THSD7B: variants seen among roughly 807,000 people sequenced by gnomAD.
The protein encoded by THSD7B is thrombospondin type-1 domain-containing protein 7B.
A neutral mutation model predicts 213.6 loss-of-function variants in THSD7B; 138 were observed. That is an observed-to-expected ratio of 0.65 (90% CI 0.56 to 0.74). The LOEUF (loss-of-function observed/expected upper bound fraction) is 0.74, where lower values mean the gene tolerates loss of function less well. THSD7B is among the 30% of genes least tolerant of loss of function. The pLI, the probability that THSD7B is intolerant of heterozygous loss-of-function variation, is 0.00. For missense variants in THSD7B, 1,931 were observed against 1,991.5 expected (o/e 0.97, Z 0.58); for synonymous variants, 742 against 687.0 (o/e 1.08, Z -1.25).
chr2:136,959,483 G>A (rs914501561), intron 2 of THSD7B, among the ~76,000 whole-genome samples: 3 of 152,160 alleles, frequency 2.0e-5, no homozygotes, highest in African/African-American at 7.2e-5. Context: ...ACAGGTTTTG[G>A]TGAAACTTAC....
Position 137,527,094 on chromosome 2 carries a change from G to T in THSD7B, c.3139-36127G>T, listed in dbSNP as rs558066898. ...ATTGATTAAAGGATTAAAATAACCA[G>T]TGTACTTTAGCTGAAGAATGACTGT... On this transcript the variant is annotated intron_variant, in intron 15 of 27. Coordinates refer to ENST00000409968, the MANE Select transcript of THSD7B (RefSeq NM_001316349.2). Among the ~76,000 whole-genome samples, 4 of 152,276 alleles carry T rather than the reference G, an allele frequency of 2.6e-5. No homozygotes were observed. In the East Asian group the frequency reaches 7.7e-4, roughly 29 times the overall value.
chr2:137,457,407 G>T (rs1573636873), intron 15 of THSD7B, among the ~76,000 whole-genome samples: 1 of 152,178 alleles, frequency 6.6e-6, no homozygotes, highest in South Asian at 2.1e-4. Context: ...CTGCCCTTGG[G>T]CAGGGTTGTC....
chr2:137,428,469 T>A (rs1194229546), intron 14 of THSD7B, among the ~76,000 whole-genome samples: 2 of 152,124 alleles, frequency 1.3e-5, no homozygotes, highest in African/African-American at 4.8e-5. Flanking sequence ...TAAACACACA[T>A]CCACATAAAA....
chr2:137,334,799 G>A (rs1361216400), intron 12 of THSD7B, among the ~76,000 whole-genome samples: 5 of 152,136 alleles, frequency 3.3e-5, no homozygotes, highest in African/African-American at 1.2e-4. Flanking sequence ...ATCTCACCTT[G>A]GATTGTAATA....
At chr2:137,183,237 C>T (rs911171148) in intron 7 of THSD7B, among the ~76,000 whole-genome samples, 9 of 152,102 alleles carry the variant, frequency 5.9e-5, no homozygotes, top group South Asian at 2.1e-4. Context: ...CAGTACAGTG[C>T]GTTCCTTTGT....
At chr2:137,396,975 G>A (rs186323932) in intron 12 of THSD7B, among the ~76,000 whole-genome samples, 1 of 128,304 alleles carries the variant, frequency 7.8e-6, no homozygotes, top group African/African-American at 2.9e-5. Context: ...TATCAGAGAC[G>A]AGGATTGCAA....
At chr2:137,577,308 G>A (rs1022067010) in intron 17 of THSD7B, among the ~76,000 whole-genome samples, 6 of 152,038 alleles carry the variant, frequency 3.9e-5, no homozygotes, top group African/African-American at 1.2e-4. Flanking sequence ...GCCTCATTTC[G>A]TGCATTGGAG....
intron 14 of THSD7B, among the ~76,000 whole-genome samples, chr2:137,425,741 G>C (rs1453397053): frequency 6.6e-6 from 1 of 152,064 alleles, no homozygotes; most frequent in African/African-American, 2.4e-5. Flanking sequence ...GTCCTCAATG[G>C]TAAAAAGTTG....
At chr2:137,577,169 C>T (rs1273776282) in intron 17 of THSD7B, among the ~76,000 whole-genome samples, 3 of 152,046 alleles carry the variant, frequency 2.0e-5, no homozygotes, top group Non-Finnish European at 4.4e-5. Context: ...TTGATATTGG[C>T]CCTTGTCAGA....
chr2:137,017,911 T>C (rs950181443), intron 2 of THSD7B, among the ~76,000 whole-genome samples: 6 of 152,138 alleles, frequency 3.9e-5, no homozygotes, highest in African/African-American at 1.4e-4. Context: ...TGTTGTAATA[T>C]TGCCAAAACT....
intron 12 of THSD7B, among the ~76,000 whole-genome samples, chr2:137,319,346 G>T (rs1448075323): frequency 1.3e-5 from 2 of 150,866 alleles, no homozygotes; most frequent in East Asian, 3.9e-4. Context: ...GTGCTTATAT[G>T]TCTCCTGTGT....
intron 7 of THSD7B, among the ~76,000 whole-genome samples, chr2:137,222,187 T>C (rs569423879): frequency 6.6e-6 from 1 of 152,270 alleles, no homozygotes; most frequent in Admixed American, 6.5e-5. Context: ...CCCACTTTGA[T>C]CCATCATCAA....
intron 2 of THSD7B, among the ~76,000 whole-genome samples, chr2:136,981,905 C>T (rs371651216): frequency 2.6e-5 from 4 of 152,296 alleles, no homozygotes; most frequent in South Asian, 2.1e-4. Context: ...TTGTCCAGCA[C>T]GTGTCCAGTG....
intron 15 of THSD7B, among the ~76,000 whole-genome samples, chr2:137,459,790 G>T (rs1286810083): frequency 6.6e-6 from 1 of 152,116 alleles, no homozygotes; most frequent in African/African-American, 2.4e-5. Flanking sequence ...AAATCACTGG[G>T]ATTGGGAGGA....
At chr2:136,950,341 G>T (rs1334812583) in intron 2 of THSD7B, among the ~76,000 whole-genome samples, 1 of 152,032 alleles carries the variant, frequency 6.6e-6, no homozygotes, top group Non-Finnish European at 1.5e-5. Context: ...TAGATGACAG[G>T]TTGATAGGTG....
chr2:136,922,997 A>G (rs1251432182), intron 2 of THSD7B, among the ~76,000 whole-genome samples: 1 of 152,140 alleles, frequency 6.6e-6, no homozygotes, highest in African/African-American at 2.4e-5. Flanking sequence ...TATCTTAACT[A>G]TTTTTAAGTG....
chr2:136,996,824 C>T (rs1161172509), intron 2 of THSD7B, among the ~76,000 whole-genome samples: 1 of 152,160 alleles, frequency 6.6e-6, no homozygotes, highest in Non-Finnish European at 1.5e-5. Context: ...ATCGAGAGAG[C>T]TGTCCTTTAA....
intron 5 of THSD7B, among the ~76,000 whole-genome samples, chr2:137,138,256 T>C (rs1335465908): frequency 6.6e-6 from 1 of 152,136 alleles, no homozygotes; most frequent in East Asian, 1.9e-4. Flanking sequence ...TAATTGAGAG[T>C]GAAATCACTG....
At chr2:137,285,362 C>A (rs767557729) in intron 12 of THSD7B, among the ~76,000 whole-genome samples, 53 of 152,042 alleles carry the variant, frequency 3.5e-4, no homozygotes, top group African/African-American at 7.0e-4. Context: ...CCAATTTGCC[C>A]GTCTGTGTCT....
Sources: allele counts gnomAD v4.1 joint callset (sites outside exome capture counted in the v4.1 genomes callset), GRCh38; gene constraint gnomAD v4.1.1; transcripts MANE v1.5; gene names NCBI Gene and HGNC (gene_info 2026-07-23, HGNC 2026-07-21).